Variants in PTRH2 observed in about 807,000 individuals in gnomAD.
PTRH2 encodes peptidyl-tRNA hydrolase 2, also known as peptidyl-tRNA hydrolase 2, mitochondrial.
PTRH2 carries 10 observed loss-of-function variants against 12.3 expected under a neutral mutation model. The ratio of observed to expected loss-of-function variants is 0.81; its 90% CI spans 0.50 to 1.38. PTRH2 has a LOEUF of 1.38. Ranked by LOEUF, PTRH2 falls within the 40% of genes most tolerant of loss-of-function variation. PTRH2 has a pLI of 0.00. For synonymous variants in PTRH2, 73 were observed against 77.4 expected, an observed-to-expected ratio of 0.94 and a Z score of 0.30; for missense variants, 176 against 214.1, an observed-to-expected ratio of 0.82 and a Z score of 1.11.
At chr17:59,705,280 C>G (rs1440310064) in intron 1 of PTRH2, among the ~76,000 whole-genome samples, 1 of 152,156 alleles carries the variant, frequency 6.6e-6, no homozygotes, top group African/African-American at 2.4e-5. Flanking sequence ...CATAGAGAAG[C>G]TATTATGTGC....
chr17:59,705,510 C>A (rs2033624598), intron 1 of PTRH2, among the ~76,000 whole-genome samples: 1 of 152,120 alleles, frequency 6.6e-6, no homozygotes, highest in Admixed American at 6.6e-5. Flanking sequence ...GCCTCAAACT[C>A]CTGGGCTTAA....
chr17:59,697,884 C>T lies in PTRH2; in HGVS notation c.95G>A (p.Ser32Asn). The change falls in exon 2 of 2, where the codon AGC becomes AAC. Residue 32 changes from serine to asparagine, a missense_variant. Coordinates refer to ENST00000393038, the MANE Select transcript of PTRH2 (RefSeq NM_016077.5). Reference protein sequence around the residue: ...GVACGMCLGWSLRVCFGMLPK... With the variant: ...GVACGMCLGWNLRVCFGMLPK... The stretch of plus-strand genomic sequence containing the variant: ...GAGCATCCCAAAGCATACTCGAAGG[C>T]TCCAGCCCAGGCACATGCCACAAGC... The T allele has an allele frequency of 1.2e-6, 2 of 1,614,170 alleles. No individual in the cohort carries two copies. The highest frequency in any genetic ancestry group is 1.7e-6 in the Non-Finnish European group (2 of 1,180,030).
At chr17:59,701,781 C>A (rs550314534) in intron 1 of PTRH2, among the ~76,000 whole-genome samples, 19 of 152,210 alleles carry the variant, frequency 1.2e-4, no homozygotes, top group African/African-American at 4.1e-4. Context: ...TCTCAGCTCA[C>A]TGCCAGCTCC....
chr17:59,703,199 T>C (rs2033584330), intron 1 of PTRH2, among the ~76,000 whole-genome samples: 2 of 152,114 alleles, frequency 1.3e-5, no homozygotes, highest in South Asian at 4.1e-4. Context: ...AAAAACTTTT[T>C]TTTTTAAGAC....
chr17:59,698,181 G>T (rs553690410), intron 1 of PTRH2: 2 of 584,548 alleles, frequency 3.4e-6, no homozygotes, highest in Non-Finnish European at 6.0e-6. Flanking sequence ...GCATCCACAT[G>T]AAACAGTTTA....
At chr17:59,698,055 T>C in intron 1 of PTRH2, 77 bp from the exon 2 acceptor site, 1 of 1,413,578 alleles carries the variant, frequency 7.1e-7, no homozygotes, top group Non-Finnish European at 9.6e-7. Flanking sequence ...GAGAAACATT[T>C]TGACTATACA....
At chr17:59,700,743 C>G (rs1221471473) in intron 1 of PTRH2, 1 of 152,010 alleles carries the variant, frequency 6.6e-6, no homozygotes. Context: ...AGAAGAAAGG[C>G]AGGTAAATGC....
chr17:59,699,744 G>A (rs2033522318), intron 1 of PTRH2: 1 of 153,104 alleles, frequency 6.5e-6, no homozygotes, highest in Non-Finnish European at 1.5e-5. Flanking sequence ...GGTTGAAATC[G>A]TGGATTGCCA....
chr17:59,702,258 C>T (rs2033566983), intron 1 of PTRH2, among the ~76,000 whole-genome samples: 1 of 152,122 alleles, frequency 6.6e-6, no homozygotes, highest in Non-Finnish European at 1.5e-5. Flanking sequence ...AATTGCAAGA[C>T]TGGTAAATGT....
intron 1 of PTRH2, chr17:59,698,837 G>GT (rs1214301073): frequency 1.4e-6 from 1 of 713,574 alleles, no homozygotes; most frequent in South Asian, 1.5e-5. Context: ...ATTGAATACT[G>GT]TAAGTGGAAA....
At chr17:59,705,915 A>C in intron 1 of PTRH2, among the ~76,000 whole-genome samples, 1 of 152,224 alleles carries the variant, frequency 6.6e-6, no homozygotes, top group African/African-American at 2.4e-5. Context: ...TCTCCAAAAA[A>C]AAAAAAAAAC....
rs2033462640 is a variant in PTRH2, at chr17:59,697,591, A to G, written c.388T>C (p.Leu130=). 6.2e-7 allele frequency: 1 copy of G among 1,614,206 alleles called. No individual in the cohort carries two copies. Among genetic ancestry groups the G allele is most frequent in the Non-Finnish European group, 8.5e-7 (1 of 1,180,028 alleles). Reference sequence around the variant, plus strand: ...AGTCCCAGCATTTTTGCATGGGCCAATAATGCAATCAGGGTTTCTTCATCA... The same window carrying G: ...AGTCCCAGCATTTTTGCATGGGCCAGTAATGCAATCAGGGTTTCTTCATCA... ...APDEETLIAL[L]AHAKMLGLTV... The change falls in exon 2 of 2, where the codon TTG becomes CTG. Residue 130 remains leucine (L), a synonymous_variant. Transcript: ENST00000393038.
intron 1 of PTRH2, among the ~76,000 whole-genome samples, chr17:59,701,819 C>CCT (rs796556376): frequency 1.3e-5 from 2 of 151,930 alleles, no homozygotes; most frequent in African/African-American, 4.8e-5. Flanking sequence ...CATTCTCCTG[C>CCT]CTCAGCCTCC....
chr17:59,697,584 T>C lies in PTRH2; in HGVS notation c.395A>G (p.His132Arg). The C allele has an allele frequency of 6.2e-7, 1 of 1,614,206 alleles. No homozygotes were observed. Among genetic ancestry groups the C allele is most frequent in the Non-Finnish European group, 8.5e-7 (1 of 1,180,024 alleles). ...TACAGTCAGTCCCAGCATTTTTGCA[T>C]GGGCCAATAATGCAATCAGGGTTTC... ...DEETLIALLA[H>R]AKMLGLTVSL... is the part of the protein sequence containing the mutation. Residue 132 changes from histidine to arginine, a missense_variant, in exon 2 of 2, where the codon CAT (histidine) becomes CGT (arginine). By Grantham distance (29) the His-to-Arg change is conservative. Coordinates refer to ENST00000393038, the MANE Select transcript of PTRH2 (RefSeq NM_016077.5).
intron 1 of PTRH2, among the ~76,000 whole-genome samples, chr17:59,706,520 C>A (rs1030521430): frequency 1.3e-5 from 2 of 151,776 alleles, no homozygotes; most frequent in South Asian, 2.1e-4. Flanking sequence ...AACAAACAAA[C>A]CTTTCCCAAA....
chr17:59,698,133 C>A (rs947540753), intron 1 of PTRH2, 155 bp from the exon 2 acceptor site: 1 of 694,694 alleles, frequency 1.4e-6, no homozygotes. Flanking sequence ...GTTTCCAACA[C>A]CCTCTTGCCC....
intron 1 of PTRH2, chr17:59,700,679 T>A (rs1055319428): frequency 3.3e-5 from 5 of 152,172 alleles, no homozygotes; most frequent in African/African-American, 1.2e-4. Flanking sequence ...AGCAATTTTT[T>A]TTTTCTCCTA....
rs190874756 is a variant in PTRH2 at position 59,707,397 on chromosome 17, G to C, written c.-27C>G. 1 of 152,718 alleles carries C rather than the reference G, an allele frequency of 6.5e-6. No homozygotes were observed. Among genetic ancestry groups the C allele is most frequent in the African/African-American group, 2.4e-5 (1 of 41,538 alleles). The allele number at this position is 152,718 out of a possible 1,614,324, so 9.5% of individuals were successfully genotyped here. A position where few individuals can be genotyped will look rare whatever the true frequency, so the allele number is the denominator to read the frequency against. ...TACAGTACCTCCTTTCCTCACTCGC[G>C]CCTTCCCTTCTTCTGGGCAGCGAAC... On this transcript the variant is annotated 5_prime_UTR_variant, in exon 1 of 2. Transcript: ENST00000393038.
At chr17:59,700,948 AT>A (rs1396919189) in intron 1 of PTRH2, 1 of 152,264 alleles carries the variant, frequency 6.6e-6, no homozygotes, top group Non-Finnish European at 1.5e-5. Context: ...GTGGCAAAAT[AT>A]GGCAGGATTG....
Sources: allele counts gnomAD v4.1 joint callset (sites outside exome capture counted in the v4.1 genomes callset), GRCh38; gene constraint gnomAD v4.1.1; transcripts MANE v1.5; gene names NCBI Gene and HGNC (gene_info 2026-07-23, HGNC 2026-07-21).